The following LGALS2 variants were observed in gnomAD, a reference collection of about 807,000 sequenced individuals.
LGALS2 encodes galectin-2.
LGALS2 carries 7 observed loss-of-function variants against 10.1 expected under a neutral mutation model. The observed-to-expected ratio is 0.70, with a 90% CI of 0.40 to 1.31. The LOEUF (loss-of-function observed/expected upper bound fraction) is 1.31. Among genes scored for constraint, LGALS2 ranks in the 50% most tolerant of loss-of-function variants. The probability of loss-of-function intolerance (pLI) is 0.01; values close to 1 mark genes in which losing one functional copy is unlikely to be tolerated. For synonymous variants in LGALS2, 86 were observed against 64.2 expected (o/e 1.34, Z -1.63); for missense variants, 167 against 163.6 (o/e 1.02, Z -0.11).
chr22:37,574,635 G>C (rs1925613524), intron 1 of LGALS2, among the ~76,000 whole-genome samples: 1 of 152,026 alleles, frequency 6.6e-6, no homozygotes, highest in Admixed American at 6.6e-5. Flanking sequence ...CTTTTACATT[G>C]TGGGAGTTCT....
chr22:37,574,847 T>TTGC (rs1315217522), intron 1 of LGALS2, among the ~76,000 whole-genome samples: 2 of 151,710 alleles, frequency 1.3e-5, no homozygotes, highest in Non-Finnish European at 2.9e-5. Context: ...TTGTTAGGTA[T>TTGC]TGCTCAACTC....
At chr22:37,576,439 G>C (rs962315296) in intron 1 of LGALS2, among the ~76,000 whole-genome samples, 7 of 115,940 alleles carry the variant, frequency 6.0e-5, no homozygotes, top group East Asian at 2.3e-4. Context: ...GCGACAGAGC[G>C]AGACTCCGTC....
intron 1 of LGALS2, among the ~76,000 whole-genome samples, chr22:37,573,742 GT>G: frequency 1.4e-5 from 2 of 138,908 alleles, no homozygotes; most frequent in Middle Eastern, 7.1e-3. Flanking sequence ...TTTTTTTTTT[GT>G]TTTTTTGAGC....
At chr22:37,573,512 C>A (rs1925564677) in intron 1 of LGALS2, among the ~76,000 whole-genome samples, 2 of 152,134 alleles carry the variant, frequency 1.3e-5, no homozygotes, top group South Asian at 4.1e-4. Context: ...GCCTGGGCAA[C>A]ATAGCGAGAC....
Position 37,570,367 on chromosome 22 carries a change from C to T in LGALS2, c.295G>A (p.Asp99Asn). ...ESDKFKVKLP[D>N]GHELTFPNRL... is the part of the protein sequence containing the mutation. ...TTGGGAAAAGTCAGCTCGTGCCCAT[C>T]TGGCAGCTTCACCTTGAATTTGTCA... Residue 99 changes from aspartate (D) to asparagine (N), a missense_variant, in exon 4 of 4, where the codon GAT becomes AAT. Coordinates refer to ENST00000215886, the MANE Select transcript of LGALS2 (RefSeq NM_006498.3). The T allele has an allele frequency of 1.2e-6, 2 of 1,614,066 alleles. No homozygotes were observed. The highest frequency in any genetic ancestry group is 1.7e-6 in the Non-Finnish European group (2 of 1,180,000).
chr22:37,572,492 C>T (rs909990808), intron 1 of LGALS2, among the ~76,000 whole-genome samples: 2 of 151,486 alleles, frequency 1.3e-5, no homozygotes, highest in Non-Finnish European at 2.9e-5. Flanking sequence ...ATTGGCCGGA[C>T]GCGGTGGCTC....
intron 1 of LGALS2, among the ~76,000 whole-genome samples, chr22:37,573,016 G>A (rs753855721): frequency 6.6e-6 from 1 of 151,244 alleles, no homozygotes; most frequent in Non-Finnish European, 1.5e-5. Context: ...GCTCACACCT[G>A]TAATCCCAGC....
chr22:37,579,203 G>A (rs1232410435), intron 1 of LGALS2, among the ~76,000 whole-genome samples: 8 of 130,772 alleles, frequency 6.1e-5, no homozygotes, highest in South Asian at 2.5e-4. Flanking sequence ...AGCTGAGATC[G>A]GGCCACTGCA....
Position 37,570,678 on chromosome 22 carries a change from G to C in LGALS2, c.147C>G (p.Arg49=), listed in dbSNP as rs755278442. The C allele has an allele frequency of 1.4e-5, 23 of 1,614,154 alleles. No homozygotes were observed. The highest frequency in any genetic ancestry group is 1.6e-4 in the Middle Eastern group (1 of 6,084). The change falls in exon 3 of 4, where the codon CGC becomes CGG. Residue 49 remains arginine (R), a synonymous_variant. Coordinates refer to ENST00000215886, the MANE Select transcript of LGALS2 (RefSeq NM_006498.3). ...TGCAGACAATGGTGGATTCGCTGAA[G>C]CGAGGGTTGAAATGCAGGTTCAGCT... is the stretch of plus-strand genomic sequence containing the variant. ...TDKLNLHFNP[R]FSESTIVCNS...
At chr22:37,572,799 T>TAAATA (rs1555945294) in intron 1 of LGALS2, among the ~76,000 whole-genome samples, 4 of 129,078 alleles carry the variant, frequency 3.1e-5, no homozygotes, top group African/African-American at 1.3e-4. Context: ...ATAATAATAA[T>TAAATA]AAATAAAATA....
intron 2 of LGALS2, among the ~76,000 whole-genome samples, chr22:37,570,968 C>T (rs1925480340): frequency 6.6e-6 from 1 of 152,132 alleles, no homozygotes; most frequent in South Asian, 2.1e-4. Flanking sequence ...GTGACAGCTT[C>T]GGGAATTGGG....
At chr22:37,572,644 G>A (rs2145819452) in intron 1 of LGALS2, among the ~76,000 whole-genome samples, 1 of 151,880 alleles carries the variant, frequency 6.6e-6, no homozygotes, top group East Asian at 1.9e-4. Context: ...GCAGGTGCCT[G>A]TAGTCCCAGC....
chr22:37,577,033 T>G (rs1211489366), intron 1 of LGALS2, among the ~76,000 whole-genome samples: 6 of 152,160 alleles, frequency 3.9e-5, no homozygotes, highest in Non-Finnish European at 7.4e-5. Flanking sequence ...GTGCCGACTC[T>G]GCCCCTAATT....
intron 2 of LGALS2, among the ~76,000 whole-genome samples, chr22:37,571,363 A>G (rs1292793987): frequency 6.6e-6 from 1 of 152,220 alleles, no homozygotes; most frequent in Non-Finnish European, 1.5e-5. Context: ...TCTGCAGGCG[A>G]GAGAGCCTTT....
chr22:37,577,725 T>C (rs1925732402), intron 1 of LGALS2, among the ~76,000 whole-genome samples: 1 of 151,944 alleles, frequency 6.6e-6, no homozygotes, highest in African/African-American at 2.4e-5. Flanking sequence ...TGTAATCGAG[T>C]TAAGAGGTCA....
chr22:37,570,304 T>A lies in LGALS2; in HGVS notation c.358A>T (p.Arg120Trp). ...GHSHLSYLSV[R>W]GGFNMSSFKL... ...AAAGAGGACATGTTGAACCCGCCCCTTACGCTCAGGTAGCTCAGGTGGCTG... is the reference window on the plus strand; with the variant it reads ...AAAGAGGACATGTTGAACCCGCCCCATACGCTCAGGTAGCTCAGGTGGCTG... Residue 120 changes from arginine to tryptophan, a missense_variant, in exon 4 of 4, where the codon AGG becomes TGG. Transcript: ENST00000215886. 6.2e-7 allele frequency: 1 copy of A among 1,613,498 alleles called. No individual in the cohort carries two copies. The highest frequency in any genetic ancestry group is 8.5e-7 in the Non-Finnish European group (1 of 1,179,456).
intron 1 of LGALS2, among the ~76,000 whole-genome samples, chr22:37,574,093 T>C (rs1201228202): frequency 6.6e-6 from 1 of 152,220 alleles, no homozygotes; most frequent in Non-Finnish European, 1.5e-5. Context: ...TCATTTTGAT[T>C]ACTTGTTGTT....
chr22:37,570,494 C>T, intron 3 of LGALS2, 82 bp from the exon 4 acceptor site: 8 of 1,605,144 alleles, frequency 5.0e-6, no homozygotes, highest in Non-Finnish European at 6.8e-6. Context: ...ACAAGGCCAG[C>T]ACCTGTGTCC....
At chr22:37,572,721 C>A (rs1486443749) in intron 1 of LGALS2, among the ~76,000 whole-genome samples, 1 of 150,368 alleles carries the variant, frequency 6.7e-6, no homozygotes, top group South Asian at 2.1e-4. Flanking sequence ...GAGGTGAGAT[C>A]GCGTCACTGC....
Sources: gnomAD v4.1 joint callset for allele counts (sites outside exome capture counted in the v4.1 genomes callset) on GRCh38, gnomAD v4.1.1 for gene constraint, MANE v1.5 for transcripts, NCBI Gene and HGNC (gene_info 2026-07-23, HGNC 2026-07-21) for gene names.